The following PDCD1LG2 variants were observed in gnomAD, a reference collection of about 807,000 sequenced individuals.
PDCD1LG2 encodes B7 dendritic cell molecule.
PDCD1LG2 carries 32 observed loss-of-function variants against 28.2 expected under a neutral mutation model. That is an observed-to-expected ratio of 1.13 (90% CI 0.86 to 1.52). The LOEUF (loss-of-function observed/expected upper bound fraction) is 1.52. Among genes scored for constraint, PDCD1LG2 ranks in the 40% most tolerant of loss-of-function variants. PDCD1LG2 has a pLI of 0.00. For missense variants in PDCD1LG2, 385 were observed against 323.8 expected, an observed-to-expected ratio of 1.19 and a Z score of -1.45; for synonymous variants, 116 against 120.2, an observed-to-expected ratio of 0.97 and a Z score of 0.23.
chr9:5,515,821 G>T (rs564595200), intron 1 of PDCD1LG2, among the ~76,000 whole-genome samples: 1 of 147,682 alleles, frequency 6.8e-6, no homozygotes, highest in South Asian at 2.2e-4. Context: ...TACTCAGGAG[G>T]CTGAGGCAGG....
chr9:5,537,680 G>T (rs911290664), intron 3 of PDCD1LG2, among the ~76,000 whole-genome samples: 9 of 152,150 alleles, frequency 5.9e-5, no homozygotes, highest in African/African-American at 2.2e-4. Flanking sequence ...ATTGAACAAT[G>T]AGAACACATG....
At chr9:5,529,501 C>T (rs948485003) in intron 2 of PDCD1LG2, among the ~76,000 whole-genome samples, 1 of 152,146 alleles carries the variant, frequency 6.6e-6, no homozygotes, top group African/African-American at 2.4e-5. Flanking sequence ...GTTCCATTAA[C>T]TTATGTGTAT....
chr9:5,532,870 G>C (rs1025390077), intron 2 of PDCD1LG2, among the ~76,000 whole-genome samples: 3 of 152,166 alleles, frequency 2.0e-5, no homozygotes, highest in African/African-American at 7.2e-5. Context: ...CACTTCACAT[G>C]TAACACCTCG....
chr9:5,523,242 G>A (rs899806471), intron 2 of PDCD1LG2, among the ~76,000 whole-genome samples: 5 of 152,140 alleles, frequency 3.3e-5, no homozygotes, highest in East Asian at 3.9e-4. Flanking sequence ...TTGTTCTCCT[G>A]GGGAAGGTAG....
intron 3 of PDCD1LG2, among the ~76,000 whole-genome samples, chr9:5,537,006 T>C (rs928428376): frequency 6.6e-6 from 1 of 152,216 alleles, no homozygotes; most frequent in South Asian, 2.1e-4. Flanking sequence ...AAAAGAATGA[T>C]TGGGAACATT....
At chr9:5,567,467 T>A (rs1257405599) in intron 6 of PDCD1LG2, among the ~76,000 whole-genome samples, 2 of 152,216 alleles carry the variant, frequency 1.3e-5, no homozygotes, top group Non-Finnish European at 2.9e-5. Flanking sequence ...GACAAGCAGA[T>A]AAACAGTAAA....
At chr9:5,545,198 T>C (rs7027298) in intron 3 of PDCD1LG2, among the ~76,000 whole-genome samples, 48,632 of 152,164 alleles carry the variant, frequency 0.32, 8,081 homozygotes, top group African/African-American at 0.4. Context: ...GCTGTATCCA[T>C]TTCCTAAACA....
intron 4 of PDCD1LG2, among the ~76,000 whole-genome samples, chr9:5,555,373 T>C (rs374279448): frequency 6.6e-6 from 1 of 152,112 alleles, no homozygotes; most frequent in Non-Finnish European, 1.5e-5. Context: ...GCCAAGATCA[T>C]GCCACTGCAC....
At chr9:5,558,123 C>T (rs957001341) in intron 5 of PDCD1LG2, among the ~76,000 whole-genome samples, 1 of 152,182 alleles carries the variant, frequency 6.6e-6, no homozygotes, top group East Asian at 1.9e-4. Context: ...AGGATTCCTT[C>T]CATTTTCACC....
Position 5,510,563 on chromosome 9 carries a change from G to A in PDCD1LG2, c.-255G>A, listed in dbSNP as rs974115359. ...TGTTACGGCAAACCTTAAGCTGAAT[G>A]AACAACTTTTCTTCTCTTGAATATA... On this transcript the variant is annotated 5_prime_UTR_variant, in exon 1 of 7. The change abolishes an upstream ATG in the 5' untranslated region. Transcript: ENST00000397747. 1 of 152,616 alleles carries A rather than the reference G, an allele frequency of 6.6e-6. No individual in the cohort carries two copies. The highest frequency in any genetic ancestry group is 2.4e-5 in the African/African-American group (1 of 41,444). 9.5% of individuals were successfully genotyped at this position (152,616 alleles called of 1,614,324 possible). A position where few individuals can be genotyped will look rare whatever the true frequency, so the allele number is the denominator to read the frequency against.
At chr9:5,561,561 G>A (rs2129939582) in intron 5 of PDCD1LG2, among the ~76,000 whole-genome samples, 1 of 152,328 alleles carries the variant, frequency 6.6e-6, no homozygotes, top group East Asian at 1.9e-4. Flanking sequence ...GAAGGAGAAA[G>A]TAAGTTTCAA....
chr9:5,551,870 G>A (rs1189085076), intron 4 of PDCD1LG2, among the ~76,000 whole-genome samples: 2 of 152,212 alleles, frequency 1.3e-5, no homozygotes, highest in Non-Finnish European at 2.9e-5. Context: ...CCAGCTGGGA[G>A]GCAGCCACAA....
At chr9:5,524,474 G>C (rs540434692) in intron 2 of PDCD1LG2, among the ~76,000 whole-genome samples, 165 of 152,310 alleles carry the variant, frequency 1.1e-3, no homozygotes, top group South Asian at 3.7e-3. Context: ...CACGAATTTG[G>C]AATTCTTTTC....
intron 4 of PDCD1LG2, 69 bp downstream of exon 4, chr9:5,549,673 G>C (rs1816288160): frequency 6.4e-7 from 1 of 1,563,174 alleles, no homozygotes; most frequent in Non-Finnish European, 8.7e-7. Flanking sequence ...GCATACTCGA[G>C]TGATTTGAGG....
chr9:5,561,962 C>T (rs73388573), intron 5 of PDCD1LG2, among the ~76,000 whole-genome samples: 18,872 of 152,192 alleles, frequency 0.12, 1,316 homozygotes, highest in Middle Eastern at 0.21. Context: ...CCATTGGGCT[C>T]CTTTCAAATG....
intron 4 of PDCD1LG2, among the ~76,000 whole-genome samples, chr9:5,551,579 A>G (rs1251451435): frequency 6.6e-6 from 1 of 152,220 alleles, no homozygotes; most frequent in Non-Finnish European, 1.5e-5. Flanking sequence ...GTTGACAGGA[A>G]TATGAACTCC....
At chr9:5,525,343 T>TAA (rs34153756) in intron 2 of PDCD1LG2, among the ~76,000 whole-genome samples, 1 of 136,862 alleles carries the variant, frequency 7.3e-6, no homozygotes. Flanking sequence ...AGATTCCATT[T>TAA]AAAAAAAAAA....
intron 1 of PDCD1LG2, 90 bp from the exon 2 acceptor site, chr9:5,522,441 ATT>A: frequency 1.1e-6 from 1 of 949,748 alleles, no homozygotes; most frequent in Non-Finnish European, 1.6e-6. Context: ...TCCCCAAATG[ATT>A]TGTTATTCCC....
intron 3 of PDCD1LG2, among the ~76,000 whole-genome samples, chr9:5,540,293 C>G (rs534641145): frequency 6.6e-6 from 1 of 152,024 alleles, no homozygotes; most frequent in Non-Finnish European, 1.5e-5. Flanking sequence ...TGAAAGAGCA[C>G]AAATAGGCAA....
Sources: allele counts gnomAD v4.1 joint callset (sites outside exome capture counted in the v4.1 genomes callset), GRCh38; gene constraint gnomAD v4.1.1; transcripts MANE v1.5; gene names NCBI Gene and HGNC (gene_info 2026-07-23, HGNC 2026-07-21).